The following CYREN variants were observed in gnomAD, a reference collection of about 807,000 sequenced individuals.
CYREN encodes cell cycle regulator of NHEJ.
In CYREN, 7 loss-of-function variants were observed where a neutral mutation model predicts 9.7. The ratio of observed to expected loss-of-function variants is 0.72; its 90% CI spans 0.41 to 1.36. CYREN has a LOEUF of 1.36. Among genes scored for constraint, CYREN ranks in the 40% most tolerant of loss-of-function variants. CYREN has a pLI of 0.01. For synonymous variants in CYREN, 76 were observed against 77.9 expected (o/e 0.98, Z 0.13); for missense variants, 215 against 198.1 (o/e 1.09, Z -0.51).
At chr7:135,096,558 A>AAGAAAGATAGAT (rs1303741491) in intron 2 of CYREN, among the ~76,000 whole-genome samples, 4 of 79,716 alleles carry the variant, frequency 5.0e-5, no homozygotes, top group Non-Finnish European at 1.0e-4. Context: ...GAAAGAAAGA[A>AAGAAAGATAGAT]AGATAGATAG....
At chr7:135,139,604 T>C (rs1463295061) in intron 2 of CYREN, among the ~76,000 whole-genome samples, 1 of 152,148 alleles carries the variant, frequency 6.6e-6, no homozygotes, top group Non-Finnish European at 1.5e-5. Context: ...TTTTTGTTTT[T>C]GTTGCAATTG....
intron 2 of CYREN, among the ~76,000 whole-genome samples, chr7:135,150,839 G>C (rs1371948440): frequency 2.6e-5 from 4 of 152,200 alleles, no homozygotes; most frequent in Admixed American, 2.0e-4. Context: ...CTGGGTGACA[G>C]AGCAAGACTG....
At chr7:135,133,223 AT>A (rs1428326494) in intron 2 of CYREN, among the ~76,000 whole-genome samples, 5 of 152,232 alleles carry the variant, frequency 3.3e-5, no homozygotes, top group Admixed American at 1.3e-4. Context: ...CTCAAAAAAA[AT>A]ACTTGGTTTT....
chr7:135,097,956 C>T (rs1327298645), intron 2 of CYREN, among the ~76,000 whole-genome samples: 2 of 152,100 alleles, frequency 1.3e-5, no homozygotes, highest in Admixed American at 6.5e-5. Flanking sequence ...GCTTTAAAAA[C>T]ATTTTCCCTG....
intron 2 of CYREN, among the ~76,000 whole-genome samples, chr7:135,128,291 CAAAAAAAAAAAAAAAA>C (rs61217008): frequency 5.2e-5 from 3 of 58,074 alleles, no homozygotes; most frequent in Admixed American, 3.2e-4. Flanking sequence ...GACTCCATCT[CAAAAAAAAAAAAAAAA>C]AAAAAAAAAA....
intron 2 of CYREN, among the ~76,000 whole-genome samples, chr7:135,137,390 A>G (rs2117386873): frequency 6.6e-6 from 1 of 152,166 alleles, no homozygotes; most frequent in East Asian, 1.9e-4. Context: ...AGAATATCCA[A>G]AAACTGCAGG....
chr7:135,113,250 A>G (rs1029243012), intron 2 of CYREN, among the ~76,000 whole-genome samples: 1 of 152,224 alleles, frequency 6.6e-6, no homozygotes, highest in Non-Finnish European at 1.5e-5. Flanking sequence ...AAGAATAGAT[A>G]ATTTCTTTAC....
chr7:135,165,035 T>C (rs190331994), downstream of CYREN: 24 of 1,526,146 alleles, frequency 1.6e-5, no homozygotes, highest in East Asian at 1.4e-4. Context: ...GTTCCAACCA[T>C]GGTCAGAGGT....
intron 2 of CYREN, among the ~76,000 whole-genome samples, chr7:135,155,387 G>GT (rs1321823140): frequency 2.6e-5 from 4 of 152,238 alleles, no homozygotes; most frequent in South Asian, 2.1e-4. Context: ...TTTTCAGGTT[G>GT]TTTTATAGAC....
intron 2 of CYREN, chr7:135,128,530 C>G: frequency 1.3e-6 from 1 of 764,368 alleles, no homozygotes; most frequent in Admixed American, 1.7e-5. Flanking sequence ...AGCAGTCTGT[C>G]CAAGGTGGAG....
intron 2 of CYREN, among the ~76,000 whole-genome samples, chr7:135,120,969 C>T (rs1422294030): frequency 6.6e-6 from 1 of 152,048 alleles, no homozygotes; most frequent in Non-Finnish European, 1.5e-5. Flanking sequence ...CTTGGGAGGC[C>T]GAGGCAGGTG....
At chr7:135,163,389 C>A (rs188889013), downstream of CYREN, among the ~76,000 whole-genome samples, 1 of 152,224 alleles carries the variant, frequency 6.6e-6, no homozygotes, top group Admixed American at 6.5e-5. Flanking sequence ...TGCCTGTAAT[C>A]CCAGCACTTT....
At chr7:135,130,632 C>A (rs1204655445) in intron 2 of CYREN, among the ~76,000 whole-genome samples, 1 of 151,726 alleles carries the variant, frequency 6.6e-6, no homozygotes, top group Admixed American at 6.6e-5. Flanking sequence ...TCATATTATT[C>A]ATATATTCAT....
intron 2 of CYREN, among the ~76,000 whole-genome samples, chr7:135,125,084 A>G (rs1443527803): frequency 6.6e-6 from 1 of 151,982 alleles, no homozygotes; most frequent in African/African-American, 2.4e-5. Flanking sequence ...GACACAAAAA[A>G]CTCCCCCAAA....
chr7:135,120,400 T>C (rs904245254), intron 2 of CYREN, among the ~76,000 whole-genome samples: 11 of 152,082 alleles, frequency 7.2e-5, no homozygotes, highest in African/African-American at 2.2e-4. Context: ...AACCAATAAA[T>C]TGTGATAAGT....
chr7:135,128,308 AAAAAAAAAAAACG>A, intron 2 of CYREN: 1 of 247,362 alleles, frequency 4.0e-6, no homozygotes, highest in African/African-American at 2.3e-5. Flanking sequence ...AAAAAAAAAA[AAAAAAAAAAAACG>A]AAAAAAAAAA....
chr7:135,096,164 T>A (rs1021341332), intron 2 of CYREN, among the ~76,000 whole-genome samples: 1 of 136,444 alleles, frequency 7.3e-6, no homozygotes, highest in Non-Finnish European at 1.6e-5. Context: ...AAAAAAAAAA[T>A]TAATCTTTGA....
chr7:135,109,547 T>A (rs1370546953), intron 2 of CYREN, among the ~76,000 whole-genome samples: 1 of 152,064 alleles, frequency 6.6e-6, no homozygotes, highest in African/African-American at 2.4e-5. Flanking sequence ...CACCTCGGAT[T>A]TTTCAGCACC....
At chr7:135,102,100 C>T (rs1823925792) in intron 2 of CYREN, among the ~76,000 whole-genome samples, 3 of 152,180 alleles carry the variant, frequency 2.0e-5, no homozygotes, top group South Asian at 4.1e-4. Context: ...ATTACCCAGT[C>T]TGGAGAATGT....
Sources: allele counts gnomAD v4.1 joint callset (sites outside exome capture counted in the v4.1 genomes callset), GRCh38; gene constraint gnomAD v4.1.1; transcripts MANE v1.5; gene names NCBI Gene and HGNC (gene_info 2026-07-23, HGNC 2026-07-21).